The following GALNT16 variants were observed in gnomAD, a reference collection of about 807,000 sequenced individuals.
The protein encoded by GALNT16 is UDP-GalNAc:polypeptide N-acetylgalactosaminyltransferase-like protein 1.
In GALNT16, 40 loss-of-function variants were observed where a neutral mutation model predicts 76.1. That is an observed-to-expected ratio of 0.53 (90% CI 0.41 to 0.68). The LOEUF is 0.68. Among genes scored for constraint, GALNT16 ranks in the 30% least tolerant of loss-of-function variants. The pLI is 0.00. For missense variants in GALNT16, 621 were observed against 731.9 expected, an observed-to-expected ratio of 0.85 and a Z score of 1.75; for synonymous variants, 276 against 285.2, an observed-to-expected ratio of 0.97 and a Z score of 0.32.
At chr14:69,259,777 T>A (rs1566854020), upstream of GALNT16, 1 of 154,356 alleles carries the variant, frequency 6.5e-6, no homozygotes, top group Non-Finnish European at 1.4e-5. Context: ...AGTCGGTGAC[T>A]CAAGGCCGCT....
intron 1 of GALNT16, among the ~76,000 whole-genome samples, chr14:69,285,096 G>A (rs2140121215): frequency 6.6e-6 from 1 of 150,446 alleles, no homozygotes; most frequent in African/African-American, 2.4e-5. Flanking sequence ...GCTGGAGTGG[G>A]GCAGCAAGAT....
chr14:69,349,097 C>T (rs1176656716), intron 14 of GALNT16: 1 of 152,338 alleles, frequency 6.6e-6, no homozygotes, highest in Non-Finnish European at 1.5e-5. Flanking sequence ...GCCTCTCCCT[C>T]CGGCCTGTGT....
intron 9 of GALNT16, among the ~76,000 whole-genome samples, chr14:69,336,316 G>A (rs1027416300): frequency 6.6e-6 from 1 of 152,104 alleles, no homozygotes; most frequent in Admixed American, 6.5e-5. Context: ...CACCACGTTG[G>A]CCAGGATGGT....
intron 12 of GALNT16, among the ~76,000 whole-genome samples, chr14:69,342,474 A>AAGGCAGGGAGGGAGGG (rs2045501675): frequency 3.2e-5 from 1 of 31,490 alleles, no homozygotes; most frequent in Non-Finnish European, 6.3e-5. Context: ...AGAAGGAAGG[A>AAGGCAGGGAGGGAGGG]AGGGAGGGAG....
At chr14:69,317,984 C>A (rs1176014912) in intron 1 of GALNT16, among the ~76,000 whole-genome samples, 3 of 152,182 alleles carry the variant, frequency 2.0e-5, no homozygotes, top group Non-Finnish European at 4.4e-5. Context: ...GAAAGCCCTT[C>A]AGAGGTCATG....
chr14:69,302,076 CT>C (rs2044861712), intron 1 of GALNT16, among the ~76,000 whole-genome samples: 1 of 152,084 alleles, frequency 6.6e-6, no homozygotes, highest in African/African-American at 2.4e-5. Flanking sequence ...GTGACTCTGC[CT>C]TCTGAGAATA....
intron 1 of GALNT16, among the ~76,000 whole-genome samples, chr14:69,305,392 A>T (rs8021760): frequency 0.28 from 42,404 of 151,886 alleles, 5,917 homozygotes; most frequent in Admixed American, 0.3. Context: ...CGAACTCCTG[A>T]CCTCAGGTGA....
chr14:69,365,796 A>G, the GALNT16 span, among the ~76,000 whole-genome samples: 7 of 152,240 alleles, frequency 4.6e-5, no homozygotes, highest in East Asian at 1.4e-3. Flanking sequence ...AAAAAAGAAA[A>G]CACTGCTGGC....
intron 1 of GALNT16, among the ~76,000 whole-genome samples, chr14:69,306,454 T>C (rs1413185549): frequency 6.6e-6 from 1 of 152,242 alleles, no homozygotes; most frequent in Non-Finnish European, 1.5e-5. Flanking sequence ...CCACTAATAA[T>C]GTATTAAAGA....
chr14:69,375,428 T>C, the GALNT16 span, among the ~76,000 whole-genome samples: 1 of 151,612 alleles, frequency 6.6e-6, no homozygotes, highest in Admixed American at 6.6e-5. Flanking sequence ...ATTTACCATA[T>C]TGCTGTTTGT....
chr14:69,272,861 C>G (rs186002954), intron 1 of GALNT16, among the ~76,000 whole-genome samples: 3 of 152,322 alleles, frequency 2.0e-5, no homozygotes, highest in South Asian at 2.1e-4. Context: ...AGCCTAGGAG[C>G]AATAGGGTAT....
intron 12 of GALNT16, among the ~76,000 whole-genome samples, chr14:69,346,468 C>T (rs1360886442): frequency 6.6e-6 from 1 of 152,122 alleles, no homozygotes; most frequent in African/African-American, 2.4e-5. Flanking sequence ...ATGCTCTCAC[C>T]AGGAAGGTGT....
chr14:69,270,153 C>G (rs1000091696), intron 1 of GALNT16, among the ~76,000 whole-genome samples: 8 of 152,106 alleles, frequency 5.3e-5, no homozygotes, highest in Non-Finnish European at 1.2e-4. Context: ...TCAAGCAGAC[C>G]CCCTGGAGGC....
chr14:69,322,650 G>A lies in GALNT16; in HGVS notation c.335+1782G>A, dbSNP rs147188785. Among the ~76,000 whole-genome samples the A allele has an allele frequency of 5.7e-3, 864 of 152,326 alleles. 2 individuals are homozygous for A. The highest frequency in any genetic ancestry group is 9.6e-3 in the Non-Finnish European group (653 of 68,024). On this transcript the variant is annotated intron_variant, in intron 2 of 14. Coordinates refer to ENST00000448469, the MANE Select transcript of GALNT16 (RefSeq NM_001168368.2). The stretch of plus-strand genomic sequence containing the variant: ...CTCACACCTGTAATCCCAGCACTTT[G>A]GGAGGCTGAGGTGGGTGGATCATTT...
chr14:69,323,599 C>T (rs2045234913), intron 2 of GALNT16, among the ~76,000 whole-genome samples: 1 of 152,208 alleles, frequency 6.6e-6, no homozygotes, highest in South Asian at 2.1e-4. Flanking sequence ...CTCCCTCCCC[C>T]ACAATTCATA....
intron 1 of GALNT16, among the ~76,000 whole-genome samples, chr14:69,269,756 G>A (rs111503779): frequency 0.1 from 15,342 of 150,536 alleles, 1,141 homozygotes; most frequent in African/African-American, 0.21. Flanking sequence ...TGTGTGAGAT[G>A]TGGGGTTCCT....
chr14:69,356,712 T>A (rs571824475), downstream of GALNT16: 1 of 131,138 alleles, frequency 7.6e-6, no homozygotes, highest in Admixed American at 7.4e-5. Context: ...CCCACCACCA[T>A]GCCCAGCTAA....
intron 2 of GALNT16, among the ~76,000 whole-genome samples, chr14:69,321,755 A>G (rs1015518448): frequency 9.2e-5 from 14 of 152,138 alleles, no homozygotes; most frequent in African/African-American, 3.1e-4. Flanking sequence ...CCTCTCCTCC[A>G]TGGAAGGCTC....
intron 1 of GALNT16, among the ~76,000 whole-genome samples, chr14:69,275,015 T>C (rs1324187003): frequency 6.6e-6 from 1 of 152,174 alleles, no homozygotes; most frequent in Non-Finnish European, 1.5e-5. Context: ...GAAAACAGAT[T>C]CTGTGAAGGA....
Sources: allele counts gnomAD v4.1 joint callset (sites outside exome capture counted in the v4.1 genomes callset), GRCh38; gene constraint gnomAD v4.1.1; transcripts MANE v1.5; gene names NCBI Gene and HGNC (gene_info 2026-07-23, HGNC 2026-07-21).